The following MGAT4A variants were observed in gnomAD, a reference collection of about 807,000 sequenced individuals.
The protein encoded by MGAT4A is N-acetylglucosaminyltransferase IVa.
A neutral mutation model predicts 74.1 loss-of-function variants in MGAT4A; 33 were observed. The observed-to-expected ratio is 0.45, with a 90% CI of 0.34 to 0.60. The LOEUF (loss-of-function observed/expected upper bound fraction) is 0.60. MGAT4A is among the 20% of genes least tolerant of loss of function. The probability of loss-of-function intolerance (pLI) is 0.02; values close to 1 mark genes in which losing one functional copy is unlikely to be tolerated. For synonymous variants in MGAT4A, 198 were observed against 210.4 expected (o/e 0.94, Z 0.51); for missense variants, 479 against 628.3 (o/e 0.76, Z 2.54).
chr2:98,658,849 T>C (rs914120834), intron 5 of MGAT4A, among the ~76,000 whole-genome samples: 2 of 152,266 alleles, frequency 1.3e-5, no homozygotes, highest in Non-Finnish European at 2.9e-5. Flanking sequence ...TTATCAGATC[T>C]GCATATTTTT....
chr2:98,681,502 G>A (rs1394647053), intron 2 of MGAT4A, among the ~76,000 whole-genome samples: 2 of 152,068 alleles, frequency 1.3e-5, no homozygotes, highest in Non-Finnish European at 2.9e-5. Context: ...GTGGACAAGG[G>A]CAGATCAGCA....
chr2:98,626,650 A>G (rs1233275099), intron 14 of MGAT4A, among the ~76,000 whole-genome samples: 1 of 152,182 alleles, frequency 6.6e-6, no homozygotes, highest in Non-Finnish European at 1.5e-5. Context: ...AATTTTTACA[A>G]ATCTGAGGTG....
chr2:98,644,105 A>G, intron 9 of MGAT4A, 52 bp from the exon 10 acceptor site: 1 of 1,461,508 alleles, frequency 6.8e-7, no homozygotes, highest in Non-Finnish European at 9.2e-7. Context: ...AAGCACCAAA[A>G]TGGCTTACAT....
At chr2:98,651,932 A>G (rs1701584914) in intron 8 of MGAT4A, among the ~76,000 whole-genome samples, 1 of 152,224 alleles carries the variant, frequency 6.6e-6, no homozygotes, top group Non-Finnish European at 1.5e-5. Context: ...AGACAAAATA[A>G]GACTTTAAGA....
In MGAT4A at chr2:98,654,076, T is replaced by C. The variant is rs181710018; in HGVS notation, c.774+1369A>G. ...GGAAAAAAACACATGATCATCTCAA[T>C]TGGTATGGAAAAGCATTTGACAACA... is the stretch of plus-strand genomic sequence containing the variant. On this transcript the variant is annotated intron_variant, in intron 8 of 15. Coordinates refer to ENST00000393487, the MANE Select transcript of MGAT4A (RefSeq NM_012214.3). Among the ~76,000 whole-genome samples, 3 of 152,048 alleles carry C rather than the reference T, an allele frequency of 2.0e-5. No individual in the cohort carries two copies. In the East Asian group the frequency reaches 5.8e-4, roughly 29 times the overall value.
intron 4 of MGAT4A, among the ~76,000 whole-genome samples, chr2:98,666,501 T>G (rs1036951729): frequency 6.6e-6 from 1 of 152,156 alleles, no homozygotes; most frequent in Non-Finnish European, 1.5e-5. Context: ...GAGACCAGCC[T>G]GAGCAACTTG....
intron 2 of MGAT4A, among the ~76,000 whole-genome samples, chr2:98,722,324 G>A (rs1043777791): frequency 1.3e-5 from 2 of 152,204 alleles, no homozygotes; most frequent in African/African-American, 4.8e-5. Context: ...TGTAAGAAGG[G>A]AGGAAGCACA....
chr2:98,715,468 T>TA (rs1339042378), intron 2 of MGAT4A, among the ~76,000 whole-genome samples: 1 of 151,686 alleles, frequency 6.6e-6, no homozygotes, highest in African/African-American at 2.4e-5. Context: ...CAGGTAGTCA[T>TA]AAAAAAAGAA....
In MGAT4A at chr2:98,660,867, T is replaced by C. The variant is rs1701738773; in HGVS notation, c.537+2179A>G. 5.3e-5 allele frequency among the ~76,000 whole-genome samples: 8 copies of C among 152,324 alleles called. No homozygotes were observed. In the South Asian group the frequency reaches 1.7e-3, roughly 32 times the overall value. ...ACGACATTGGCCTGGGCAATGGTTT[T>C]TTGGATATGACCCCAAAAGCTCAGG... On this transcript the variant is annotated intron_variant, in intron 5 of 15. Transcript: ENST00000393487.
chr2:98,684,439 C>T (rs1254574220), intron 2 of MGAT4A, among the ~76,000 whole-genome samples: 1 of 152,096 alleles, frequency 6.6e-6, no homozygotes, highest in Non-Finnish European at 1.5e-5. Flanking sequence ...TCAGCCTAGA[C>T]AATGAAAGTA....
intron 7 of MGAT4A, 50 bp downstream of exon 7, chr2:98,656,302 T>C: frequency 8.1e-7 from 1 of 1,229,024 alleles, no homozygotes; most frequent in Non-Finnish European, 1.2e-6. Context: ...CTACATGTAT[T>C]AAATATTTAC....
chr2:98,719,208 T>C (rs979206645), intron 2 of MGAT4A, among the ~76,000 whole-genome samples: 5 of 152,186 alleles, frequency 3.3e-5, no homozygotes, highest in Admixed American at 3.3e-4. Context: ...TTAGAAACTA[T>C]TTCTTCAAAG....
chr2:98,659,942 T>C (rs1235117777), intron 5 of MGAT4A, among the ~76,000 whole-genome samples: 1 of 143,688 alleles, frequency 7.0e-6, no homozygotes, highest in Non-Finnish European at 1.5e-5. Flanking sequence ...ATAAAGACTG[T>C]CAAAGCACTT....
intron 2 of MGAT4A, among the ~76,000 whole-genome samples, chr2:98,683,799 G>C (rs1262217337): frequency 6.6e-6 from 1 of 152,150 alleles, no homozygotes; most frequent in Non-Finnish European, 1.5e-5. Flanking sequence ...CTGCTTTGAG[G>C]GGAACTGTCC....
intron 2 of MGAT4A, among the ~76,000 whole-genome samples, chr2:98,700,608 T>C (rs1427265517): frequency 6.6e-6 from 1 of 152,122 alleles, no homozygotes; most frequent in African/African-American, 2.4e-5. Flanking sequence ...TATTACATGT[T>C]GGCTGGGCGC....
rs1025452926 is a variant in MGAT4A, at chr2:98,667,078, A to G, written c.404-3899T>C. The stretch of plus-strand genomic sequence containing the variant: ...AAGATCTGATGGTTTTAAAAAGAGG[A>G]GTTCCCCTGCACAAGCTTGCTCTCT... On this transcript the variant is annotated intron_variant, in intron 4 of 15. Coordinates refer to ENST00000393487, the MANE Select transcript of MGAT4A (RefSeq NM_012214.3). Among the ~76,000 whole-genome samples the G allele has an allele frequency of 1.0e-4, 15 of 149,358 alleles. No homozygotes were observed. In the Admixed American group the frequency reaches 1.0e-3, roughly 10 times the overall value.
chr2:98,693,767 A>C (rs2104305123), intron 2 of MGAT4A, among the ~76,000 whole-genome samples: 1 of 152,240 alleles, frequency 6.6e-6, no homozygotes, highest in Non-Finnish European at 1.5e-5. Context: ...TAAAACGTCA[A>C]CCCCTGTAGA....
intron 8 of MGAT4A, among the ~76,000 whole-genome samples, chr2:98,654,135 C>A (rs186675727): frequency 6.6e-6 from 1 of 151,766 alleles, no homozygotes; most frequent in African/African-American, 2.4e-5. Flanking sequence ...AAAAATGTGA[C>A]GAACTAGAAA....
chr2:98,725,992 C>A, intron 2 of MGAT4A: 1 of 438,434 alleles, frequency 2.3e-6, no homozygotes, highest in Admixed American at 3.9e-5. Context: ...GAATATAAAA[C>A]ACTGATCAGT....
Sources: gnomAD v4.1 joint callset for allele counts (sites outside exome capture counted in the v4.1 genomes callset) on GRCh38, gnomAD v4.1.1 for gene constraint, MANE v1.5 for transcripts, NCBI Gene and HGNC (gene_info 2026-07-23, HGNC 2026-07-21) for gene names.